CARMIL1: variants seen among roughly 807,000 people sequenced by gnomAD.
The protein encoded by CARMIL1 is capping protein regulator and myosin 1 linker 1.
A neutral mutation model predicts 177.1 loss-of-function variants in CARMIL1; 90 were observed. The observed-to-expected ratio is 0.51, with a 90% CI of 0.43 to 0.61. The LOEUF (loss-of-function observed/expected upper bound fraction) is 0.61. CARMIL1 is among the 20% of genes least tolerant of loss of function. CARMIL1 has a pLI of 0.00. For missense variants in CARMIL1, 1,380 were observed against 1,667.0 expected, an observed-to-expected ratio of 0.83 and a Z score of 3.00; for synonymous variants, 577 against 606.2, an observed-to-expected ratio of 0.95 and a Z score of 0.71.
rs1258949953 is a variant in CARMIL1 at position 25,620,503 on chromosome 6, T to C, written c.*920T>C. 1 of 152,234 alleles carries C rather than the reference T, an allele frequency of 6.6e-6. No homozygotes were observed. The highest frequency in any genetic ancestry group is 1.5e-5 in the Non-Finnish European group (1 of 68,042). The allele number at this position is 152,234 out of a possible 1,614,324, so 9.4% of individuals were successfully genotyped here. A position where few individuals can be genotyped will look rare whatever the true frequency, so the allele number is the denominator to read the frequency against. On this transcript the variant is annotated 3_prime_UTR_variant, in exon 37 of 37. Transcript: ENST00000329474. ...AGTATTTTATTCATATGTATATTTATACCAATAAAATGATTTTACAAGTGG... is the reference window on the plus strand; with the variant it reads ...AGTATTTTATTCATATGTATATTTACACCAATAAAATGATTTTACAAGTGG...
intron 11 of CARMIL1, among the ~76,000 whole-genome samples, chr6:25,473,876 G>A (rs1196420707): frequency 1.3e-5 from 2 of 152,160 alleles, no homozygotes; most frequent in African/African-American, 2.4e-5. Context: ...TGTAGTTCAC[G>A]AAGAGTCAGA....
intron 2 of CARMIL1, among the ~76,000 whole-genome samples, chr6:25,407,254 C>T (rs12201737): frequency 0.21 from 31,647 of 151,882 alleles, 3,431 homozygotes; most frequent in Middle Eastern, 0.32. Flanking sequence ...AGGGGACCTG[C>T]AAGAGGTGTG....
chr6:25,583,590 G>C (rs1363291997), intron 31 of CARMIL1, among the ~76,000 whole-genome samples: 1 of 152,040 alleles, frequency 6.6e-6, no homozygotes, highest in Non-Finnish European at 1.5e-5. Context: ...TACCTGCCTG[G>C]TTGATCATTT....
intron 7 of CARMIL1, 77 bp downstream of exon 7, chr6:25,450,486 C>G: frequency 2.3e-6 from 3 of 1,300,402 alleles, no homozygotes; most frequent in Non-Finnish European, 3.3e-6. Context: ...GCTTGTTTTT[C>G]TTTTTTTCCC....
chr6:25,464,613 AC>A (rs1299727194), intron 8 of CARMIL1, among the ~76,000 whole-genome samples: 1 of 152,180 alleles, frequency 6.6e-6, no homozygotes, highest in East Asian at 1.9e-4. Context: ...AACTGATATG[AC>A]CTCACTAAAG....
At chr6:25,288,234 G>A (rs1015388126) in intron 2 of CARMIL1, among the ~76,000 whole-genome samples, 2 of 152,198 alleles carry the variant, frequency 1.3e-5, no homozygotes, top group Admixed American at 6.5e-5. Flanking sequence ...AAGCCTGAGA[G>A]AGCTTATGTT....
At chr6:25,376,421 A>C (rs1244004895) in intron 2 of CARMIL1, among the ~76,000 whole-genome samples, 1 of 152,318 alleles carries the variant, frequency 6.6e-6, no homozygotes, top group East Asian at 1.9e-4. Context: ...TGGGTAGGCT[A>C]TTCTAATTAT....
At chr6:25,365,025 A>G (rs1223194647) in intron 2 of CARMIL1, among the ~76,000 whole-genome samples, 2 of 152,186 alleles carry the variant, frequency 1.3e-5, no homozygotes, top group Admixed American at 1.3e-4. Context: ...GTTTCTACCA[A>G]CACAGTTCTC....
At chr6:25,616,694 A>C (rs1309563682) in intron 36 of CARMIL1, among the ~76,000 whole-genome samples, 1 of 152,246 alleles carries the variant, frequency 6.6e-6, no homozygotes, top group East Asian at 1.9e-4. Context: ...AAGCCTGACT[A>C]AACCTACTTC....
chr6:25,400,912 T>A (rs752442257), intron 2 of CARMIL1, among the ~76,000 whole-genome samples: 1 of 152,192 alleles, frequency 6.6e-6, no homozygotes, highest in Non-Finnish European at 1.5e-5. Flanking sequence ...CCCAGACTCA[T>A]TGAGAAGACC....
At chr6:25,364,572 C>CTTTTTTTTTTTTTTTTTTTTT (rs199573991) in intron 2 of CARMIL1, among the ~76,000 whole-genome samples, 2 of 150,468 alleles carry the variant, frequency 1.3e-5, no homozygotes, top group African/African-American at 2.4e-5. Context: ...TCTTTTTCTT[C>CTTTTTTTTTTTTTTTTTTTTT]TTTTTTTTGA....
At chr6:25,412,195 G>C (rs1419417644) in intron 2 of CARMIL1, among the ~76,000 whole-genome samples, 1 of 152,204 alleles carries the variant, frequency 6.6e-6, no homozygotes, top group Admixed American at 6.5e-5. Flanking sequence ...CAATTCTCAT[G>C]TGCCAGCACT....
At chr6:25,594,245 G>C (rs1814599534) in intron 31 of CARMIL1, among the ~76,000 whole-genome samples, 170 bp from the exon 32 acceptor site, 1 of 152,174 alleles carries the variant, frequency 6.6e-6, no homozygotes, top group African/African-American at 2.4e-5. Context: ...GTTTCTTCTT[G>C]TCTGTGTTAT....
At chr6:25,540,444 A>G (rs1808783243) in intron 26 of CARMIL1, among the ~76,000 whole-genome samples, 1 of 152,186 alleles carries the variant, frequency 6.6e-6, no homozygotes, top group African/African-American at 2.4e-5. Flanking sequence ...CAGTACCTAG[A>G]TGGTGCTTAT....
At chr6:25,549,146 G>A (rs1034509437) in intron 26 of CARMIL1, among the ~76,000 whole-genome samples, 2 of 152,152 alleles carry the variant, frequency 1.3e-5, no homozygotes, top group Non-Finnish European at 2.9e-5. Flanking sequence ...GCAGAGATCC[G>A]CAAAGATTAT....
intron 24 of CARMIL1, among the ~76,000 whole-genome samples, chr6:25,530,655 G>A (rs1006466338): frequency 1.3e-5 from 2 of 152,078 alleles, no homozygotes; most frequent in Non-Finnish European, 2.9e-5. Flanking sequence ...TTTCAGACAT[G>A]AACTCAGAAA....
At chr6:25,449,789 T>C in intron 5 of CARMIL1, 109 bp from the exon 6 acceptor site, 1 of 596,590 alleles carries the variant, frequency 1.7e-6, no homozygotes. Context: ...AAACTGAAAT[T>C]GAAGTGACCC....
chr6:25,562,677 G>T (rs1038943666), intron 29 of CARMIL1, among the ~76,000 whole-genome samples: 4 of 152,120 alleles, frequency 2.6e-5, no homozygotes, highest in Non-Finnish European at 5.9e-5. Flanking sequence ...CTACACCTTT[G>T]CCCTGCAGGT....
At chr6:25,465,071 C>CAAAAAAAAAAAAAAAAAA (rs558022196) in intron 8 of CARMIL1, among the ~76,000 whole-genome samples, 2 of 61,986 alleles carry the variant, frequency 3.2e-5, no homozygotes, top group Admixed American at 1.7e-4. Flanking sequence ...AGAACTAAAG[C>CAAAAAAAAAAAAAAAAAA]AAAAAAAAAA....
Sources: allele counts gnomAD v4.1 joint callset (sites outside exome capture counted in the v4.1 genomes callset), GRCh38; gene constraint gnomAD v4.1.1; transcripts MANE v1.5; gene names NCBI Gene and HGNC (gene_info 2026-07-23, HGNC 2026-07-21).